ACVR1C: variants seen among roughly 807,000 people sequenced by gnomAD.
The protein encoded by ACVR1C is activin A receptor type 1C.
In ACVR1C, 23 loss-of-function variants were observed where a neutral mutation model predicts 57.9. The observed-to-expected ratio is 0.40, with a 90% CI of 0.29 to 0.56. The LOEUF (loss-of-function observed/expected upper bound fraction) is 0.56. Ranked by LOEUF, ACVR1C falls within the 20% of genes least tolerant of loss-of-function variation. The probability of loss-of-function intolerance (pLI) is 0.50; values close to 1 mark genes in which losing one functional copy is unlikely to be tolerated. For synonymous variants in ACVR1C, 214 were observed against 215.3 expected, an observed-to-expected ratio of 0.99 and a Z score of 0.05; for missense variants, 480 against 607.9, an observed-to-expected ratio of 0.79 and a Z score of 2.21.
chr2:157,550,472 T>TA (rs1164656860), intron 3 of ACVR1C, 80 bp from the exon 4 acceptor site: 1 of 1,317,000 alleles, frequency 7.6e-7, no homozygotes, highest in East Asian at 2.3e-5. Context: ...TTTCAGATTT[T>TA]AAAAAAGCAA....
intron 1 of ACVR1C, among the ~76,000 whole-genome samples, chr2:157,607,292 T>G (rs1682423689): frequency 6.6e-6 from 1 of 151,726 alleles, no homozygotes; most frequent in Non-Finnish European, 1.5e-5. Context: ...TTTGGTTATC[T>G]GGGCTCTTTT....
At chr2:157,623,039 C>T (rs1682817503) in intron 1 of ACVR1C, among the ~76,000 whole-genome samples, 1 of 152,042 alleles carries the variant, frequency 6.6e-6, no homozygotes, top group African/African-American at 2.4e-5. Context: ...CAAAGAAATG[C>T]AAATAAAAAC....
intron 2 of ACVR1C, among the ~76,000 whole-genome samples, chr2:157,578,613 T>C (rs555080893): frequency 6.6e-6 from 1 of 152,198 alleles, no homozygotes; most frequent in Non-Finnish European, 1.5e-5. Flanking sequence ...GAATTTCCTT[T>C]ATCAAGGGGT....
At chr2:157,543,735 A>G (rs887957909) in intron 5 of ACVR1C, among the ~76,000 whole-genome samples, 6 of 152,204 alleles carry the variant, frequency 3.9e-5, no homozygotes, top group African/African-American at 1.2e-4. Context: ...GGCAGTAGGT[A>G]CTATTTAGCT....
intron 1 of ACVR1C, among the ~76,000 whole-genome samples, chr2:157,606,420 A>G (rs1413669671): frequency 6.6e-6 from 1 of 151,830 alleles, no homozygotes; most frequent in African/African-American, 2.4e-5. Flanking sequence ...TCCCACCCAC[A>G]GTGTATAAGA....
At chr2:157,564,926 G>A (rs1048000065) in intron 2 of ACVR1C, among the ~76,000 whole-genome samples, 2 of 152,038 alleles carry the variant, frequency 1.3e-5, no homozygotes, top group Non-Finnish European at 2.9e-5. Flanking sequence ...TGGACACTGG[G>A]AGGGGAACAC....
intron 3 of ACVR1C, among the ~76,000 whole-genome samples, chr2:157,553,905 A>C (rs1041497365): frequency 6.6e-6 from 1 of 151,920 alleles, no homozygotes; most frequent in South Asian, 2.1e-4. Flanking sequence ...AAATGTGGCC[A>C]GGTGCAGTGG....
chr2:157,553,108 C>G (rs1028890038), intron 3 of ACVR1C, among the ~76,000 whole-genome samples: 3 of 152,194 alleles, frequency 2.0e-5, no homozygotes, highest in Non-Finnish European at 4.4e-5. Flanking sequence ...AGTTTTTGTT[C>G]CTCAGCATCT....
At chr2:157,538,486 G>C in intron 8 of ACVR1C, 87 bp downstream of exon 8, 2 of 1,260,184 alleles carry the variant, frequency 1.6e-6, no homozygotes, top group Non-Finnish European at 2.1e-6. Flanking sequence ...GGAATGAATT[G>C]GAAAAACTAT....
intron 1 of ACVR1C, among the ~76,000 whole-genome samples, chr2:157,592,175 T>C (rs1262744868): frequency 6.6e-6 from 1 of 152,060 alleles, no homozygotes; most frequent in Non-Finnish European, 1.5e-5. Flanking sequence ...ATCATGTGCC[T>C]TGCATCTAAA....
At chr2:157,618,079 G>A (rs1488463528) in intron 1 of ACVR1C, among the ~76,000 whole-genome samples, 1 of 151,754 alleles carries the variant, frequency 6.6e-6, no homozygotes, top group African/African-American at 2.4e-5. Flanking sequence ...GTGATAAACA[G>A]GTGGGTAAAT....
At chr2:157,535,238 C>T (rs115346470) in intron 8 of ACVR1C, among the ~76,000 whole-genome samples, 36 of 151,010 alleles carry the variant, frequency 2.4e-4, no homozygotes, top group Non-Finnish European at 5.0e-4. Flanking sequence ...GTCCTTCTAA[C>T]GGAAATTGCC....
chr2:157,529,502 T>C lies in ACVR1C; in HGVS notation c.*4416A>G, dbSNP rs1476023779. 6.6e-6 allele frequency: 1 copy of C among 152,058 alleles called. No individual in the cohort carries two copies. Among genetic ancestry groups the C allele is most frequent in the Non-Finnish European group, 1.5e-5 (1 of 67,982 alleles). 9.4% of individuals were successfully genotyped at this position (152,058 alleles called of 1,614,324 possible). A position where few individuals can be genotyped will look rare whatever the true frequency, so the allele number is the denominator to read the frequency against. Reference sequence around the variant, plus strand: ...CGAATTAATTTTTAATCAGTAAAAGTTGGGGATATGGCAGGGAACAGTGCT... The same window carrying C: ...CGAATTAATTTTTAATCAGTAAAAGCTGGGGATATGGCAGGGAACAGTGCT... On this transcript the variant is annotated 3_prime_UTR_variant, in exon 9 of 9. Coordinates refer to ENST00000243349, the MANE Select transcript of ACVR1C (RefSeq NM_145259.3).
rs1207981023 is a variant in ACVR1C at position 157,628,759 on chromosome 2, C to A, written c.-115G>T. 5.2e-6 allele frequency: 5 copies of A among 965,878 alleles called. No homozygotes were observed. Among genetic ancestry groups the A allele is most frequent in the Non-Finnish European group, 7.3e-6 (5 of 689,634 alleles). 59.8% of individuals were successfully genotyped at this position (965,878 alleles called of 1,614,324 possible). On this transcript the variant is annotated 5_prime_UTR_variant, in exon 1 of 9. Coordinates refer to ENST00000243349, the MANE Select transcript of ACVR1C (RefSeq NM_145259.3). ...GCGGGAGGGGAGCGCGGCACCGACA[C>A]CCTTTTGAAGTGCGCGGTTGGCTCT... is the stretch of plus-strand genomic sequence containing the variant.
intron 5 of ACVR1C, among the ~76,000 whole-genome samples, chr2:157,543,992 G>C (rs1328883519): frequency 4.0e-5 from 6 of 150,354 alleles, no homozygotes; most frequent in African/African-American, 7.3e-5. Context: ...GCTATATCAT[G>C]ACAATACCTT....
At chr2:157,543,932 AAAT>A (rs1464745514) in intron 5 of ACVR1C, among the ~76,000 whole-genome samples, 1 of 152,194 alleles carries the variant, frequency 6.6e-6, no homozygotes, top group Non-Finnish European at 1.5e-5. Flanking sequence ...AAATTTTTAA[AAAT>A]ATTATTATGG....
chr2:157,625,690 A>C (rs1270409348), intron 1 of ACVR1C, among the ~76,000 whole-genome samples: 2 of 152,136 alleles, frequency 1.3e-5, no homozygotes, highest in Admixed American at 6.5e-5. Context: ...TATTTATTCC[A>C]TTTTTGGAGT....
At position 157,527,547 on chromosome 2, in the gene ACVR1C, C is replaced by T. The variant is rs1442613650; in HGVS notation, c.*6371G>A. The T allele has an allele frequency of 6.6e-6, 1 of 152,084 alleles. No individual in the cohort carries two copies. The highest frequency in any genetic ancestry group is 2.4e-5 in the African/African-American group (1 of 41,428). 9.4% of individuals were successfully genotyped at this position (152,084 alleles called of 1,614,324 possible). On this transcript the variant is annotated 3_prime_UTR_variant, in exon 9 of 9. Transcript: ENST00000243349. ...CAATCCAAAATTCCTTTTTTGAGATCTGAATCTAATTTTCTGTTTTTAGGA... is the reference window on the plus strand; with the variant it reads ...CAATCCAAAATTCCTTTTTTGAGATTTGAATCTAATTTTCTGTTTTTAGGA...
intron 2 of ACVR1C, among the ~76,000 whole-genome samples, chr2:157,573,488 A>T (rs1198108929): frequency 6.6e-6 from 1 of 152,148 alleles, no homozygotes; most frequent in East Asian, 1.9e-4. Context: ...TACCCTTTTA[A>T]GCACTGTATG....
Sources: allele counts gnomAD v4.1 joint callset (sites outside exome capture counted in the v4.1 genomes callset), GRCh38; gene constraint gnomAD v4.1.1; transcripts MANE v1.5; gene names NCBI Gene and HGNC (gene_info 2026-07-23, HGNC 2026-07-21).